The following PTPRK variants were observed in gnomAD, a reference collection of about 807,000 sequenced individuals.
PTPRK encodes receptor-type tyrosine-protein phosphatase kappa.
PTPRK carries 75 observed loss-of-function variants against 178.0 expected under a neutral mutation model. That is an observed-to-expected ratio of 0.42 (90% CI 0.35 to 0.51). The LOEUF (loss-of-function observed/expected upper bound fraction) is 0.51, where lower values mean the gene tolerates loss of function less well. Among genes scored for constraint, PTPRK ranks in the 20% least tolerant of loss-of-function variants. The pLI, the probability that PTPRK is intolerant of heterozygous loss-of-function variation, is 0.02. For synonymous variants in PTPRK, 637 were observed against 620.6 expected (o/e 1.03, Z -0.39); for missense variants, 1,441 against 1,797.8 (o/e 0.80, Z 3.59).
intron 1 of PTPRK, among the ~76,000 whole-genome samples, chr6:128,455,854 A>G (rs1157263290): frequency 6.6e-6 from 1 of 152,116 alleles, no homozygotes; most frequent in Non-Finnish European, 1.5e-5. Flanking sequence ...CTGGATAGAA[A>G]AAATGTCCAG....
At chr6:128,394,660 C>T (rs746555930) in intron 2 of PTPRK, among the ~76,000 whole-genome samples, 29 of 152,052 alleles carry the variant, frequency 1.9e-4, no homozygotes, top group Non-Finnish European at 3.4e-4. Context: ...ATTTGGCAGA[C>T]CTTTCAGTCA....
At chr6:128,295,408 T>G (rs1245406656) in intron 3 of PTPRK, among the ~76,000 whole-genome samples, 1 of 152,104 alleles carries the variant, frequency 6.6e-6, no homozygotes, top group Non-Finnish European at 1.5e-5. Context: ...GCAAGATTTT[T>G]TTTTAAATTG....
At chr6:128,380,553 C>CAT (rs1554246047) in intron 2 of PTPRK, among the ~76,000 whole-genome samples, 1 of 146,288 alleles carries the variant, frequency 6.8e-6, no homozygotes, top group Non-Finnish European at 1.5e-5. Flanking sequence ...CACACACACA[C>CAT]GTGTGTGTGT....
intron 6 of PTPRK, among the ~76,000 whole-genome samples, chr6:128,205,690 G>A (rs183117629): frequency 3.1e-3 from 442 of 143,240 alleles, no homozygotes; most frequent in Non-Finnish European, 3.5e-3. Flanking sequence ...AGAGTTGCTC[G>A]AACCTGGGAG....
intron 7 of PTPRK, among the ~76,000 whole-genome samples, chr6:128,152,220 G>T (rs1450422274): frequency 6.6e-6 from 1 of 152,012 alleles, no homozygotes; most frequent in East Asian, 1.9e-4. Flanking sequence ...ATTTGTAGCT[G>T]AGAGTTAAGA....
At chr6:128,111,920 A>AT (rs1189531243) in intron 7 of PTPRK, among the ~76,000 whole-genome samples, 4 of 152,066 alleles carry the variant, frequency 2.6e-5, no homozygotes. Context: ...TATCTAACAC[A>AT]TAACAGGTGT....
chr6:128,278,232 T>C (rs1821085276), intron 3 of PTPRK, among the ~76,000 whole-genome samples: 1 of 151,942 alleles, frequency 6.6e-6, no homozygotes, highest in Admixed American at 6.6e-5. Flanking sequence ...TCTTAGCTTC[T>C]TGCAACCTCC....
chr6:128,445,440 T>C (rs1002853880), intron 1 of PTPRK, among the ~76,000 whole-genome samples: 2 of 149,740 alleles, frequency 1.3e-5, no homozygotes, highest in African/African-American at 4.9e-5. Context: ...ATCTATTGTA[T>C]TAGTCCCTTT....
chr6:128,356,505 C>A (rs1281976657), intron 2 of PTPRK, among the ~76,000 whole-genome samples: 1 of 152,134 alleles, frequency 6.6e-6, no homozygotes, highest in Non-Finnish European at 1.5e-5. Flanking sequence ...GAACTATTGG[C>A]AATTCTTCTG....
intron 22 of PTPRK, 65 bp downstream of exon 22, chr6:127,985,656 C>A: frequency 6.9e-7 from 1 of 1,459,172 alleles, no homozygotes. Context: ...TGCTCAAAAG[C>A]CTTGTCTTGA....
intron 7 of PTPRK, among the ~76,000 whole-genome samples, chr6:128,169,012 G>C (rs965490736): frequency 1.3e-5 from 2 of 152,024 alleles, no homozygotes; most frequent in Admixed American, 6.6e-5. Flanking sequence ...CTTAAATGTG[G>C]AATCTTTTTT....
chr6:128,117,038 C>T (rs374151616), intron 7 of PTPRK, among the ~76,000 whole-genome samples: 9 of 151,794 alleles, frequency 5.9e-5, no homozygotes, highest in African/African-American at 4.8e-5. Flanking sequence ...CCCAGCTGCT[C>T]GGGAGGCGGA....
At chr6:128,398,568 G>A (rs1007403016) in intron 1 of PTPRK, among the ~76,000 whole-genome samples, 2 of 152,092 alleles carry the variant, frequency 1.3e-5, no homozygotes, top group African/African-American at 2.4e-5. Context: ...AGTTCAAGAA[G>A]GTGAAATAAT....
At chr6:128,008,410 T>C (rs144911689) in intron 14 of PTPRK, among the ~76,000 whole-genome samples, 5 of 151,080 alleles carry the variant, frequency 3.3e-5, no homozygotes, top group African/African-American at 1.2e-4. Context: ...CTATATTAGT[T>C]TCCAAGACAA....
At chr6:127,994,458 A>G (rs1179834548) in intron 18 of PTPRK, among the ~76,000 whole-genome samples, 1 of 151,780 alleles carries the variant, frequency 6.6e-6, no homozygotes, top group African/African-American at 2.4e-5. Flanking sequence ...AACATGCATT[A>G]CTTCATTGAA....
intron 7 of PTPRK, among the ~76,000 whole-genome samples, chr6:128,146,442 G>A (rs1796507993): frequency 6.6e-6 from 1 of 151,424 alleles, no homozygotes; most frequent in Non-Finnish European, 1.5e-5. Context: ...GTGTGTGTGT[G>A]TGTGTGTGTG....
intron 7 of PTPRK, among the ~76,000 whole-genome samples, chr6:128,106,695 C>G (rs1476844507): frequency 6.6e-6 from 1 of 152,102 alleles, no homozygotes; most frequent in Non-Finnish European, 1.5e-5. Flanking sequence ...GTGAAATTCT[C>G]AATATATCAT....
At chr6:128,095,478 G>GT (rs1167151709) in intron 7 of PTPRK, among the ~76,000 whole-genome samples, 4 of 151,996 alleles carry the variant, frequency 2.6e-5, no homozygotes, top group Admixed American at 2.6e-4. Context: ...TTTAGTTTCT[G>GT]TTTCTAGTGA....
In PTPRK at chr6:128,285,536, C is replaced by T. The variant is rs1334092260; in HGVS notation, c.495+36503G>A. ...TCTAAAAAAAAAAAAAAAGGCTGGG[C>T]GTGGTGGCTCATGCCTGTAATCCCA... On this transcript the variant is annotated intron_variant, in intron 3 of 29. Transcript: ENST00000368226. Among the ~76,000 whole-genome samples the T allele has an allele frequency of 3.4e-5, 5 of 148,406 alleles. No individual in the cohort carries two copies. In the South Asian group the frequency reaches 6.4e-4, roughly 19 times the overall value.
Sources: gnomAD v4.1 joint callset for allele counts (sites outside exome capture counted in the v4.1 genomes callset) on GRCh38, gnomAD v4.1.1 for gene constraint, MANE v1.5 for transcripts, NCBI Gene and HGNC (gene_info 2026-07-23, HGNC 2026-07-21) for gene names.